CEP152: variants seen among roughly 807,000 people sequenced by gnomAD.
CEP152 encodes centrosomal protein 152.
In CEP152, 132 loss-of-function variants were observed where a neutral mutation model predicts 188.9. The ratio of observed to expected loss-of-function variants is 0.70; its 90% confidence interval spans 0.61 to 0.81. The LOEUF is 0.81. Ranked by LOEUF, CEP152 falls within the 30% of genes least tolerant of loss-of-function variation. CEP152 has a pLI of 0.00. For missense variants in CEP152, 1,914 were observed against 1,969.8 expected, an observed-to-expected ratio of 0.97 and a Z score of 0.54; for synonymous variants, 649 against 666.6, an observed-to-expected ratio of 0.97 and a Z score of 0.41.
chr15:48,745,141 AG>A, intron 22 of CEP152, 149 bp from the exon 23 acceptor site: 1 of 538,854 alleles, frequency 1.9e-6, no homozygotes, highest in South Asian at 3.0e-5. Flanking sequence ...AACCCTACTC[AG>A]ACCATTCCCT....
intron 17 of CEP152, 28 bp downstream of exon 17, chr15:48,767,032 G>T: frequency 6.2e-7 from 1 of 1,610,614 alleles, no homozygotes. Flanking sequence ...GTGAAAGGAT[G>T]TCGATACAAC....
chr15:48,742,224 T>C (rs1246593282), intron 24 of CEP152, 124 bp from the exon 25 acceptor site: 1 of 877,046 alleles, frequency 1.1e-6, no homozygotes, highest in East Asian at 2.5e-5. Context: ...GTTTAAACAT[T>C]ATACTTTCCA....
chr15:48,750,336 A>C (rs1343489345), intron 21 of CEP152, among the ~76,000 whole-genome samples: 2 of 152,174 alleles, frequency 1.3e-5, no homozygotes, highest in Non-Finnish European at 2.9e-5. Context: ...TACAAAAATG[A>C]TTAAAAAGTA....
Position 48,805,447 on chromosome 15 carries a change from T to A in CEP152, c.87+116A>T, listed in dbSNP as rs1211606902. Reference sequence around the variant, plus strand: ...AGCAGATTTTAGGGTTGTTTTTTTTTTAAAAAATCCAAATCCCTTCAAAAT... The same window carrying A: ...AGCAGATTTTAGGGTTGTTTTTTTTATAAAAAATCCAAATCCCTTCAAAAT... On this transcript the variant is annotated intron_variant, in intron 2 of 26. Transcript: ENST00000380950. 6 of 1,388,456 alleles carry A rather than the reference T, an allele frequency of 4.3e-6. No individual in the cohort carries two copies. The African/African-American group carries it at 5.9e-5, about 14-fold the overall frequency. 86.0% of individuals were successfully genotyped at this position (1,388,456 alleles called of 1,614,324 possible). A position where few individuals can be genotyped will look rare whatever the true frequency, so the allele number is the denominator to read the frequency against.
At chr15:48,745,319 A>G (rs1164648263) in intron 22 of CEP152, among the ~76,000 whole-genome samples, 1 of 152,222 alleles carries the variant, frequency 6.6e-6, no homozygotes. Context: ...CATGTTCCCT[A>G]TGGATCCTGG....
intron 8 of CEP152, among the ~76,000 whole-genome samples, chr15:48,790,163 T>C (rs1465591997): frequency 6.6e-6 from 1 of 152,260 alleles, no homozygotes; most frequent in Non-Finnish European, 1.5e-5. Flanking sequence ...ATTCCAATAC[T>C]GCTTTCATGG....
At chr15:48,802,481 T>A (rs922017338) in intron 2 of CEP152, among the ~76,000 whole-genome samples, 2 of 152,216 alleles carry the variant, frequency 1.3e-5, no homozygotes, top group African/African-American at 4.8e-5. Flanking sequence ...AGAGTTTCAG[T>A]TGAAACACTG....
chr15:48,744,009 C>T (rs889826914), intron 24 of CEP152, among the ~76,000 whole-genome samples: 1 of 151,994 alleles, frequency 6.6e-6, no homozygotes, highest in Non-Finnish European at 1.5e-5. Context: ...AGAAAATCAA[C>T]AATATAAACA....
chr15:48,756,391 A>G lies in CEP152; in HGVS notation c.2857T>C (p.Leu953=), dbSNP rs777979411. 1 of 1,609,258 alleles carries G rather than the reference A, an allele frequency of 6.2e-7. No homozygotes were observed. Among genetic ancestry groups the G allele is most frequent in the Non-Finnish European group, 8.5e-7 (1 of 1,177,342 alleles). Residue 953 remains leucine, a synonymous_variant, in exon 20 of 27, where the codon TTA becomes CTA. Coordinates refer to ENST00000380950, the MANE Select transcript of CEP152 (RefSeq NM_001194998.2). ...EEVPVVIRAE[L]AKARSEWNKE... ...TTCCATTCACTCCGAGCCTTAGCTA[A>G]CTCAGCCCTGATGACCACAGGGACT...
intron 2 of CEP152, among the ~76,000 whole-genome samples, chr15:48,731,015 G>C (rs1366998981): frequency 6.6e-6 from 1 of 152,174 alleles, no homozygotes; most frequent in African/African-American, 2.4e-5. Context: ...CTATGCATGT[G>C]CTTGGATGTT....
rs1045212211 is a variant in CEP152, at chr15:48,789,358, A to T, written c.973-357T>A. 1.4e-5 allele frequency: 4 copies of T among 295,628 alleles called. No individual in the cohort carries two copies. The Admixed American group carries it at 1.8e-4, about 14-fold the overall frequency. 18.3% of individuals were successfully genotyped at this position (295,628 alleles called of 1,614,324 possible). A position where few individuals can be genotyped will look rare whatever the true frequency, so the allele number is the denominator to read the frequency against. On this transcript the variant is annotated intron_variant, in intron 8 of 26. Transcript: ENST00000380950. ...TTGCTCTATGACCAAAGTGTGGGGT[A>T]ACCCAATTGTTAGGTCACAGAAAAA...
intron 18 of CEP152, among the ~76,000 whole-genome samples, chr15:48,761,746 T>C (rs1016222234): frequency 4.6e-5 from 7 of 152,222 alleles, no homozygotes; most frequent in African/African-American, 1.7e-4. Context: ...GACCAAAATT[T>C]TGAGAATCAC....
Position 48,760,181 on chromosome 15 carries a change from T to A in CEP152, c.2648A>T (p.Glu883Val). ...ATGCTGTTCTTCCCACTTTTTCTGT[T>A]CTGCCTTCACAAGTGCTTGATACTC... ...LAEYQALVKA[E>V]QKKWEEQHEV... is the part of the protein sequence containing the mutation. Residue 883 changes from glutamate (E) to valine (V), a missense_variant, in exon 19 of 27, where the codon GAA becomes GTA. By Grantham distance (121) the Glu-to-Val change is moderately radical (BLOSUM62 -2). Transcript: ENST00000380950. 1.2e-6 allele frequency: 2 copies of A among 1,614,126 alleles called. No homozygotes were observed. The highest frequency in any genetic ancestry group is 1.7e-6 in the Non-Finnish European group (2 of 1,179,974).
chr15:48,796,104 C>T lies in CEP152; in HGVS notation c.597G>A (p.Gln199=), dbSNP rs200059289. 3.1e-6 allele frequency: 5 copies of T among 1,613,872 alleles called. No individual in the cohort carries two copies. The East Asian group carries it at 1.1e-4, about 36-fold the overall frequency. ...PYNKVTYKPY[Q]SSAQNNGSPA... ...GTGAGCCATTATTCTGGGCAGAAGACTGATAAGGTTTATATGTCACTTTAT... is the reference window on the plus strand; with the variant it reads ...GTGAGCCATTATTCTGGGCAGAAGATTGATAAGGTTTATATGTCACTTTAT... Residue 199 remains glutamine, a synonymous_variant, in exon 6 of 27, where the codon CAG becomes CAA. Coordinates refer to ENST00000380950, the MANE Select transcript of CEP152 (RefSeq NM_001194998.2).
intron 2 of CEP152, among the ~76,000 whole-genome samples, chr15:48,799,083 C>T (rs1041137326): frequency 6.6e-5 from 10 of 151,982 alleles, no homozygotes; most frequent in Non-Finnish European, 1.3e-4. Context: ...TAAATCCCTC[C>T]AAAGGACATA....
chr15:48,783,315 C>T (rs1186042527), intron 10 of CEP152: 6 of 152,164 alleles, frequency 3.9e-5, no homozygotes, highest in African/African-American at 1.4e-4. Flanking sequence ...ACTATAAAGA[C>T]CATATTAGAA....
chr15:48,805,582 T>A lies in CEP152; in HGVS notation c.68A>T (p.Asp23Val). 6.2e-7 allele frequency: 1 copy of A among 1,608,242 alleles called. No homozygotes were observed. Among genetic ancestry groups the A allele is most frequent in the South Asian group, 1.1e-5 (1 of 90,912 alleles). The change falls in exon 2 of 27, where the codon GAC (aspartate) becomes GTC (valine). Residue 23 changes from aspartate to valine, a missense_variant. Asp to Val is a radical substitution (Grantham distance 152). Transcript: ENST00000380950. ...QNEDEEYDEE[D>V]YEREKELQQL... ...ACTTACCTCTTTCTCTCTTTCATAGTCCTCTTCGTCATACTCTTCATCTTC... is the reference window on the plus strand; with the variant it reads ...ACTTACCTCTTTCTCTCTTTCATAGACCTCTTCGTCATACTCTTCATCTTC...
At chr15:48,746,366 T>G (rs1303619461) in intron 22 of CEP152, among the ~76,000 whole-genome samples, 2 of 152,160 alleles carry the variant, frequency 1.3e-5, no homozygotes, top group African/African-American at 4.8e-5. Flanking sequence ...CATATCCAAC[T>G]GCCCTTATCG....
At chr15:48,797,751 T>C in intron 3 of CEP152, 21 bp from the exon 4 acceptor site, 1 of 1,612,546 alleles carries the variant, frequency 6.2e-7, no homozygotes, top group South Asian at 1.1e-5. Context: ...AGGAATACTT[T>C]CGATTTAAAG....
Sources: allele counts gnomAD v4.1 joint callset (sites outside exome capture counted in the v4.1 genomes callset), GRCh38; gene constraint gnomAD v4.1.1; transcripts MANE v1.5; gene names NCBI Gene and HGNC (gene_info 2026-07-23, HGNC 2026-07-21).